ADGRD2: variants seen among roughly 807,000 people sequenced by gnomAD.
ADGRD2 encodes adhesion G protein-coupled receptor D2, also known as G protein-coupled receptor PGR24.
ADGRD2 carries 71 observed loss-of-function variants against 44.4 expected under a neutral mutation model. That is an observed-to-expected ratio of 1.60 (90% CI 1.32 to 1.95). ADGRD2 has a LOEUF of 1.95. Ranked by LOEUF, ADGRD2 falls within the 30% of genes most tolerant of loss-of-function variation. The pLI is 0.00. For missense variants in ADGRD2, 1,039 were observed against 512.4 expected (o/e 2.03, Z -9.92); for synonymous variants, 481 against 224.8 (o/e 2.14, Z -10.19).
Position 124,454,442 on chromosome 9 carries a change from G to A in ADGRD2, c.1023-42G>A, listed in dbSNP as rs1290501021. ...TGAACAGGCTGGCATCTCTGGGCAG[G>A]GGTATTGCCCGGGGCCTAGCCTGGC... On this transcript the variant is annotated intron_variant, in intron 4 of 21. Transcript: ENST00000334810. The surrounding 1 kb of genome is among the most constrained non-coding windows in gnomAD (Gnocchi z 4.5). 5.8e-6 allele frequency: 4 copies of A among 694,194 alleles called. No homozygotes were observed. The highest frequency in any genetic ancestry group is 1.1e-5 in the Non-Finnish European group (4 of 367,022). The allele number at this position is 694,194 out of a possible 1,614,324, so 43.0% of individuals were successfully genotyped here.
At position 124,468,082 on chromosome 9, in the gene ADGRD2, C is replaced by A. The variant is rs1831863393; in HGVS notation, c.2131-6C>A. 1.4e-6 allele frequency: 1 copy of A among 718,496 alleles called. No homozygotes were observed. The highest frequency in any genetic ancestry group is 2.6e-6 in the Non-Finnish European group (1 of 385,136). 44.5% of individuals were successfully genotyped at this position (718,496 alleles called of 1,614,324 possible). A position where few individuals can be genotyped will look rare whatever the true frequency, so the allele number is the denominator to read the frequency against. ...TCTTGTTAACTGACTCCTCTGTCCT[C>A]TCCAGGGTCCCCAAGTCAGAGCGAA... On this transcript the variant is annotated splice_polypyrimidine_tract_variant and splice_region_variant and intron_variant, in intron 12 of 21. Coordinates refer to ENST00000334810, the Ensembl canonical transcript of ADGRD2.
intron 17 of ADGRD2, 78 bp from the exon 21 acceptor site, chr9:124,475,368 G>A (rs373459899): frequency 2.2e-5 from 15 of 667,120 alleles, no homozygotes; most frequent in South Asian, 1.0e-4. Flanking sequence ...GGGAGGCGCC[G>A]GGACCCCAGG....
At chr9:124,469,081 C>T in intron 14 of ADGRD2, 141 bp from the exon 18 acceptor site, 1 of 606,410 alleles carries the variant, frequency 1.6e-6, no homozygotes, top group Non-Finnish European at 2.9e-6. Context: ...ATCAGAGCCC[C>T]CAGCCCTGCT....
At chr9:124,476,380 T>C in exon 20 of ADGRD2, 1 of 702,012 alleles carries the variant, frequency 1.4e-6, no homozygotes, top group Non-Finnish European at 2.6e-6. Flanking sequence ...TAGAACTCCC[T>C]CAGCATTCTC....
exon 10 of ADGRD2, chr9:124,458,670 C>A (rs777020571): frequency 2.8e-6 from 2 of 718,638 alleles, no homozygotes; most frequent in Admixed American, 2.0e-5. Context: ...TGTGGGACGT[C>A]ACTGGAGAGG....
At chr9:124,471,351 G>A (rs1831942622) in intron 17 of ADGRD2, among the ~76,000 whole-genome samples, 1 of 152,126 alleles carries the variant, frequency 6.6e-6, no homozygotes, top group South Asian at 2.1e-4. Flanking sequence ...AAAGGTGGGT[G>A]GGCAAGGGCC....
chr9:124,466,447 G>T, intron 11 of ADGRD2, 34 bp downstream of exon 14: 1 of 645,722 alleles, frequency 1.5e-6, no homozygotes, highest in South Asian at 1.8e-5. Flanking sequence ...TGTCAGGAGG[G>T]GGCTTCTTAG....
Position 124,476,431 on chromosome 9 carries a change from G to A in ADGRD2, c.2904+16G>A. The A allele has an allele frequency of 1.4e-6, 1 of 701,338 alleles. No individual in the cohort carries two copies. The highest frequency in any genetic ancestry group is 2.6e-6 in the Non-Finnish European group (1 of 383,658). The allele number at this position is 701,338 out of a possible 1,614,324, so 43.4% of individuals were successfully genotyped here. A position where few individuals can be genotyped will look rare whatever the true frequency, so the allele number is the denominator to read the frequency against. On this transcript the variant is annotated intron_variant, in intron 20 of 21. Transcript: ENST00000334810. ...GGAGAGACAGGTGAGGCTGGGACAG[G>A]GTGGGCCGCACAGGGCTCTGCCAGG...
exon 1 of ADGRD2, chr9:124,452,142 C>A: frequency 1.4e-6 from 1 of 717,556 alleles, no homozygotes; most frequent in Non-Finnish European, 2.6e-6. Flanking sequence ...ATCAAGGAAC[C>A]CTTGGGCCCC....
intron 20 of ADGRD2, 92 bp downstream of exon 23, chr9:124,476,507 G>A (rs1020299866): frequency 3.1e-6 from 2 of 655,682 alleles, no homozygotes; most frequent in Middle Eastern, 2.7e-4. Flanking sequence ...GCCTGGGTAG[G>A]GCCGGGGTGG....
At chr9:124,452,069 C>A, upstream of ADGRD2, 1 of 713,758 alleles carries the variant, frequency 1.4e-6, no homozygotes, top group South Asian at 1.5e-5. Flanking sequence ...TCCCAGCCCC[C>A]ACCTGTCTTC....
At chr9:124,468,902 C>A (rs1180085081) in intron 14 of ADGRD2, among the ~76,000 whole-genome samples, 2 of 152,210 alleles carry the variant, frequency 1.3e-5, no homozygotes, top group Non-Finnish European at 2.9e-5. Flanking sequence ...TCCTCATAAT[C>A]CTTCTCCACT....
At chr9:124,462,834 G>A (rs1831745747) in intron 10 of ADGRD2, among the ~76,000 whole-genome samples, 1 of 152,044 alleles carries the variant, frequency 6.6e-6, no homozygotes, top group African/African-American at 2.4e-5. Flanking sequence ...CATGTTGTCT[G>A]CCAATAAAGG....
chr9:124,464,783 G>C (rs1831783588), intron 10 of ADGRD2, among the ~76,000 whole-genome samples: 1 of 149,058 alleles, frequency 6.7e-6, no homozygotes, highest in East Asian at 2.0e-4. Context: ...TTCACTGCAT[G>C]TTTGCTCCCA....
Position 124,454,662 on chromosome 9 carries a change from T to G in ADGRD2, c.1108+93T>G, listed in dbSNP as rs976691894. ...CTCCCTTGTAAAGGGGACACCCACC[T>G]GGTGTGTCTGCAGGAATAAAGGCCA... On this transcript the variant is annotated intron_variant, in intron 5 of 21. Transcript: ENST00000334810. The surrounding 1 kb of genome is among the most constrained non-coding windows in gnomAD (Gnocchi z 4.5). 6 of 667,946 alleles carry G rather than the reference T, an allele frequency of 9.0e-6. No homozygotes were observed. Among genetic ancestry groups the G allele is most frequent in the African/African-American group, 7.1e-5 (4 of 56,430 alleles). 41.4% of individuals were successfully genotyped at this position (667,946 alleles called of 1,614,324 possible). A position where few individuals can be genotyped will look rare whatever the true frequency, so the allele number is the denominator to read the frequency against.
chr9:124,475,492 G>C lies in ADGRD2; in HGVS notation c.2800+5G>C, dbSNP rs951832007. On this transcript the variant is annotated splice_donor_5th_base_variant and intron_variant, in intron 18 of 21. Transcript: ENST00000334810. ...TATGCTGCCTGCAATGAGGAGGTGA[G>C]TCTGGGGGTGCCGGCTGCAGGGAGA... The C allele has an allele frequency of 2.1e-5, 15 of 714,812 alleles. No homozygotes were observed. Among genetic ancestry groups the C allele is most frequent in the Admixed American group, 8.1e-5 (4 of 49,546 alleles). The allele number at this position is 714,812 out of a possible 1,614,324, so 44.3% of individuals were successfully genotyped here. A position where few individuals can be genotyped will look rare whatever the true frequency, so the allele number is the denominator to read the frequency against.
chr9:124,475,298 A>G (rs917251458), intron 17 of ADGRD2, 148 bp from the exon 21 acceptor site: 2 of 586,340 alleles, frequency 3.4e-6, no homozygotes, highest in African/African-American at 3.8e-5. Flanking sequence ...GCACGAGGGC[A>G]GGGCCGACTT....
At chr9:124,456,967 T>G (rs1831629421) in intron 7 of ADGRD2, among the ~76,000 whole-genome samples, 1 of 152,196 alleles carries the variant, frequency 6.6e-6, no homozygotes, top group Non-Finnish European at 1.5e-5. Context: ...GTTTTAGCTC[T>G]CTCCTCCTCT....
At chr9:124,456,777 C>T (rs1481780974) in intron 7 of ADGRD2, 44 bp downstream of exon 10, 2 of 702,974 alleles carry the variant, frequency 2.8e-6, no homozygotes, top group South Asian at 3.0e-5. Flanking sequence ...CTCAGACCTC[C>T]CTCCTCAGCC....
Sources: gnomAD v4.1 joint callset for allele counts (sites outside exome capture counted in the v4.1 genomes callset) on GRCh38, gnomAD v4.1.1 for gene constraint, Gnocchi (gnomAD v3.1) non-coding constraint, MANE v1.5 for transcripts, NCBI Gene and HGNC (gene_info 2026-07-23, HGNC 2026-07-21) for gene names.